UBXN10: variants seen among roughly 807,000 people sequenced by gnomAD.
UBXN10 encodes UBX domain protein 10, also known as UBX domain-containing protein 10.
Under a neutral mutation model 6.9 loss-of-function variants are expected in UBXN10, and 6 were observed. The observed-to-expected ratio is 0.87, with a 90% confidence interval of 0.48 to 1.72. The LOEUF is 1.72. UBXN10 is among the 40% of genes most tolerant of loss of function. The pLI is 0.01. For missense variants in UBXN10, 317 were observed against 348.4 expected, an observed-to-expected ratio of 0.91 and a Z score of 0.72; for synonymous variants, 131 against 135.2, an observed-to-expected ratio of 0.97 and a Z score of 0.21.
rs1290994308 is a variant in UBXN10 at position 20,194,396 on chromosome 1, T to TGA, written c.*2995_*2996dup. The TGA allele has an allele frequency of 1.2e-5, 2 of 167,092 alleles. No homozygotes were observed. Among genetic ancestry groups the TGA allele is most frequent in the Non-Finnish European group, 2.9e-5 (2 of 68,110 alleles). 10.4% of individuals were successfully genotyped at this position (167,092 alleles called of 1,614,324 possible). A position where few individuals can be genotyped will look rare whatever the true frequency, so the allele number is the denominator to read the frequency against. Reference sequence around the variant, plus strand: ...GGTTATAACACAACAGATCTTGCCCTGAGAATATCTGGGGACCCAGCCAAC... The same window carrying TGA: ...GGTTATAACACAACAGATCTTGCCCTGAGAGAATATCTGGGGACCCAGCCAAC... On this transcript the variant is annotated 3_prime_UTR_variant, in exon 2 of 2. Transcript: ENST00000375099.
At chr1:20,190,499 C>A in intron 1 of UBXN10, 48 bp from the exon 2 acceptor site, 2 of 1,545,090 alleles carry the variant, frequency 1.3e-6, no homozygotes, top group Non-Finnish European at 1.7e-6. Context: ...ATCTAGGAGT[C>A]CCAGGAAGTT....
intron 1 of UBXN10, among the ~76,000 whole-genome samples, chr1:20,188,125 C>T (rs1237317873): frequency 6.6e-6 from 1 of 152,152 alleles, no homozygotes; most frequent in Non-Finnish European, 1.5e-5. Flanking sequence ...TGCTAATTGC[C>T]AGAGAAAGAC....
chr1:20,185,758 A>C (rs2018362877), upstream of UBXN10, among the ~76,000 whole-genome samples: 1 of 152,138 alleles, frequency 6.6e-6, no homozygotes, highest in African/African-American at 2.4e-5. Flanking sequence ...TCAGGGCCTG[A>C]CCCAAGGTGA....
chr1:20,190,488 G>C, intron 1 of UBXN10, 59 bp from the exon 2 acceptor site: 1 of 1,531,992 alleles, frequency 6.5e-7, no homozygotes, highest in Non-Finnish European at 8.7e-7. Flanking sequence ...GAATGGCTTG[G>C]ATCTAGGAGT....
chr1:20,190,166 A>G (rs1278721781), intron 1 of UBXN10, among the ~76,000 whole-genome samples: 1 of 152,220 alleles, frequency 6.6e-6, no homozygotes, highest in African/African-American at 2.4e-5. Flanking sequence ...GAAACACAGC[A>G]GGTTTTCTGG....
chr1:20,192,278 G>C lies in UBXN10; in HGVS notation c.*874G>C, dbSNP rs192369976. ...ACTGACAACCTCCTTGGCTTATTTG[G>C]GGGTGGAGCAATTGTTTTATTCCCC... On this transcript the variant is annotated 3_prime_UTR_variant, in exon 2 of 2. Coordinates refer to ENST00000375099, the MANE Select transcript of UBXN10 (RefSeq NM_152376.5). 5.6e-4 allele frequency: 93 copies of C among 167,168 alleles called. No homozygotes were observed. In the East Asian group the frequency reaches 5.6e-3, roughly 10 times the overall value. The allele number at this position is 167,168 out of a possible 1,614,324, so 10.4% of individuals were successfully genotyped here. A position where few individuals can be genotyped will look rare whatever the true frequency, so the allele number is the denominator to read the frequency against.
chr1:20,191,464 G>T lies in UBXN10; in HGVS notation c.*60G>T. On this transcript the variant is annotated 3_prime_UTR_variant, in exon 2 of 2. Coordinates refer to ENST00000375099, the MANE Select transcript of UBXN10 (RefSeq NM_152376.5). This position sits in a 1 kb window ranked among gnomAD's most constrained non-coding sequence, Gnocchi z 4.5. ...GAGCAAAGGAGCATGCTTGGGCGTTGTGGCCTCTTAGGCAGCCTGTTTCAA... is the reference window on the plus strand; with the variant it reads ...GAGCAAAGGAGCATGCTTGGGCGTTTTGGCCTCTTAGGCAGCCTGTTTCAA... The T allele has an allele frequency of 6.4e-7, 1 of 1,551,950 alleles. No homozygotes were observed. Among genetic ancestry groups the T allele is most frequent in the Non-Finnish European group, 8.7e-7 (1 of 1,150,016 alleles).
rs1407655195 is a variant in UBXN10, at chr1:20,190,892, C to T, written c.331C>T (p.Leu111Phe). 2 of 1,614,026 alleles carry T rather than the reference C, an allele frequency of 1.2e-6. No individual in the cohort carries two copies. Among genetic ancestry groups the T allele is most frequent in the Non-Finnish European group, 1.7e-6 (2 of 1,180,048 alleles). Residue 111 changes from leucine (L) to phenylalanine (F), a missense_variant, in exon 2 of 2, where the codon CTC (leucine) becomes TTC (phenylalanine). Coordinates refer to ENST00000375099, the MANE Select transcript of UBXN10 (RefSeq NM_152376.5). ...QQVPTGASSS[L>F]NKYPVLPSIN... ...AGTACCCACTGGGGCTTCCTCTTCT[C>T]TCAATAAGTATCCAGTCCTTCCTTC... is the stretch of plus-strand genomic sequence containing the variant.
In UBXN10 at chr1:20,193,180, G is replaced by T. The variant is rs1164653590; in HGVS notation, c.*1776G>T. Reference sequence around the variant, plus strand: ...ACATAACTCTATGTCTGATCTAGGAGGCTGGGGGAAGAGCCTCCCATAAAA... The same window carrying T: ...ACATAACTCTATGTCTGATCTAGGATGCTGGGGGAAGAGCCTCCCATAAAA... On this transcript the variant is annotated 3_prime_UTR_variant, in exon 2 of 2. Coordinates refer to ENST00000375099, the MANE Select transcript of UBXN10 (RefSeq NM_152376.5). The T allele has an allele frequency of 6.0e-6, 1 of 167,072 alleles. No homozygotes were observed. Among genetic ancestry groups the T allele is most frequent in the East Asian group, 1.9e-4 (1 of 5,196 alleles). 10.3% of individuals were successfully genotyped at this position (167,072 alleles called of 1,614,324 possible).
upstream of UBXN10, among the ~76,000 whole-genome samples, chr1:20,185,911 C>T (rs2018366416): frequency 6.6e-6 from 1 of 152,216 alleles, no homozygotes; most frequent in Non-Finnish European, 1.5e-5. Flanking sequence ...CCGCGGGTCC[C>T]TGTCGCCTCC....
rs2100741612 is a variant in UBXN10, at chr1:20,195,919, C to T, written c.*4515C>T. The T allele has an allele frequency of 1.2e-5, 2 of 167,190 alleles. No individual in the cohort carries two copies. The highest frequency in any genetic ancestry group is 4.1e-4 in the South Asian group (2 of 4,822). 10.4% of individuals were successfully genotyped at this position (167,190 alleles called of 1,614,324 possible). On this transcript the variant is annotated 3_prime_UTR_variant, in exon 2 of 2. Coordinates refer to ENST00000375099, the MANE Select transcript of UBXN10 (RefSeq NM_152376.5). Reference sequence around the variant, plus strand: ...TTTATCTCTATCTCCTGTCCTTCATCCCTCCCTTTCTTGCCACCCTTCCCT... The same window carrying T: ...TTTATCTCTATCTCCTGTCCTTCATTCCTCCCTTTCTTGCCACCCTTCCCT...
Position 20,187,939 on chromosome 1 carries a change from G to T in UBXN10, c.-16+1786G>T, listed in dbSNP as rs2018428401. Among the ~76,000 whole-genome samples, 3 of 152,186 alleles carry T rather than the reference G, an allele frequency of 2.0e-5. No homozygotes were observed. Among genetic ancestry groups the T allele is most frequent in the African/African-American group, 7.2e-5 (3 of 41,426 alleles). Reference sequence around the variant, plus strand: ...AGTTAAACCTTCCTGAGGCATGTGTGGGTGTTGGAAGCCAAGCCTGTGATA... The same window carrying T: ...AGTTAAACCTTCCTGAGGCATGTGTTGGTGTTGGAAGCCAAGCCTGTGATA... On this transcript the variant is annotated intron_variant, in intron 1 of 1. Coordinates refer to ENST00000375099, the MANE Select transcript of UBXN10 (RefSeq NM_152376.5). The surrounding 1 kb of genome is among the most constrained non-coding windows in gnomAD (Gnocchi z 4.6).
Position 20,191,262 on chromosome 1 carries a change from C to A in UBXN10, c.701C>A (p.Thr234Asn). The change falls in exon 2 of 2, where the codon ACC becomes AAC. Residue 234 changes from threonine (T) to asparagine (N), a missense_variant. Transcript: ENST00000375099. This position sits in a 1 kb window ranked among gnomAD's most constrained non-coding sequence, Gnocchi z 4.5. ...IVAVAEQKNK[T>N]SYRHCSIETM... ...GCTGTGGCCGAACAGAAAAACAAAACCTCCTACCGACACTGCAGCATTGAA... is the reference window on the plus strand; with the variant it reads ...GCTGTGGCCGAACAGAAAAACAAAAACTCCTACCGACACTGCAGCATTGAA... The A allele has an allele frequency of 6.2e-7, 1 of 1,614,194 alleles. No individual in the cohort carries two copies.
At chr1:20,184,102 G>A (rs1203444366), upstream of UBXN10, 2 of 152,214 alleles carry the variant, frequency 1.3e-5, no homozygotes, top group Non-Finnish European at 2.9e-5. Context: ...GAGAGCAAAA[G>A]GCAGGTACTG....
At position 20,191,658 on chromosome 1, in the gene UBXN10, T is replaced by C; in HGVS notation, c.*254T>C. 1 of 485,064 alleles carries C rather than the reference T, an allele frequency of 2.1e-6. No homozygotes were observed. The allele number at this position is 485,064 out of a possible 1,614,324, so 30.0% of individuals were successfully genotyped here. A position where few individuals can be genotyped will look rare whatever the true frequency, so the allele number is the denominator to read the frequency against. ...ACTGGCAAGTTACCAAGGTTGTTCC[T>C]GAAACAGCAGTGATCATGACTTCTC... On this transcript the variant is annotated 3_prime_UTR_variant, in exon 2 of 2. Transcript: ENST00000375099. This position sits in a 1 kb window ranked among gnomAD's most constrained non-coding sequence, Gnocchi z 4.5.
chr1:20,186,369 A>T (rs1473727551), intron 1 of UBXN10: 1 of 152,160 alleles, frequency 6.6e-6, no homozygotes, highest in Non-Finnish European at 1.5e-5. Context: ...CCTTTACCAA[A>T]ATAGGGTGAC....
chr1:20,190,811 G>A lies in UBXN10; in HGVS notation c.250G>A (p.Ala84Thr), dbSNP rs368463029. 3 of 1,613,830 alleles carry A rather than the reference G, an allele frequency of 1.9e-6. No individual in the cohort carries two copies. In the African/African-American group the frequency reaches 4.0e-5, roughly 22 times the overall value. Residue 84 changes from alanine (A) to threonine (T), a missense_variant, in exon 2 of 2, where the codon GCA becomes ACA. Transcript: ENST00000375099. ...AAGCAGCCAAAAACCAGGAGCCTGTGCACCCAAATCTCCAAACCAGGGAGC... is the reference window on the plus strand; with the variant it reads ...AAGCAGCCAAAAACCAGGAGCCTGTACACCCAAATCTCCAAACCAGGGAGC... ...LPSSQKPGAC[A>T]PKSPNQGASD...
Position 20,190,957 on chromosome 1 carries a change from C to G in UBXN10, c.396C>G (p.Thr132=). The G allele has an allele frequency of 1.2e-6, 2 of 1,614,120 alleles. No homozygotes were observed. The highest frequency in any genetic ancestry group is 1.7e-6 in the Non-Finnish European group (2 of 1,180,022). ...ACCTGGAGGAGGAGGCTGTGGAAAC[C>G]GTTGCCAAAAAGGCCAGCTCACTGC... ...RKNLEEEAVE[T]VAKKASSLQL... Residue 132 remains threonine, a synonymous_variant, in exon 2 of 2, where the codon ACC becomes ACG. Transcript: ENST00000375099.
chr1:20,190,175 G>T (rs2018464849), intron 1 of UBXN10, among the ~76,000 whole-genome samples: 1 of 152,100 alleles, frequency 6.6e-6, no homozygotes, highest in Non-Finnish European at 1.5e-5. Context: ...CAGGTTTTCT[G>T]GTTTTTACCA....
Sources: gnomAD v4.1 joint callset for allele counts (sites outside exome capture counted in the v4.1 genomes callset) on GRCh38, gnomAD v4.1.1 for gene constraint, Gnocchi (gnomAD v3.1) non-coding constraint, MANE v1.5 for transcripts, NCBI Gene and HGNC (gene_info 2026-07-23, HGNC 2026-07-21) for gene names.